Variants in SNX4 observed in about 807,000 individuals in gnomAD.
The protein encoded by SNX4 is sorting nexin 4.
SNX4 carries 49 observed loss-of-function variants against 70.8 expected under a neutral mutation model. The observed-to-expected ratio is 0.69, with a 90% CI of 0.55 to 0.88. The LOEUF (loss-of-function observed/expected upper bound fraction) is 0.88, where lower values mean the gene tolerates loss of function less well. Among genes scored for constraint, SNX4 ranks in the 40% least tolerant of loss-of-function variants. The pLI, the probability that SNX4 is intolerant of heterozygous loss-of-function variation, is 0.00. For missense variants in SNX4, 528 were observed against 544.8 expected (o/e 0.97, Z 0.31); for synonymous variants, 206 against 183.8 (o/e 1.12, Z -0.98).
intron 1 of SNX4, among the ~76,000 whole-genome samples, chr3:125,519,479 C>T (rs1458245421): frequency 6.6e-6 from 1 of 152,150 alleles, no homozygotes; most frequent in African/African-American, 2.4e-5. Flanking sequence ...TTGAAGCTGA[C>T]ATTTTCTTCA....
intron 2 of SNX4, among the ~76,000 whole-genome samples, 188 bp from the exon 3 acceptor site, chr3:125,498,382 C>A (rs1044445913): frequency 6.6e-6 from 1 of 152,116 alleles, no homozygotes; most frequent in African/African-American, 2.4e-5. Context: ...TGCAGTGGTG[C>A]AATCACCACT....
intron 11 of SNX4, 64 bp downstream of exon 11, chr3:125,457,202 A>C (rs1157320047): frequency 8.9e-7 from 1 of 1,121,100 alleles, no homozygotes; most frequent in African/African-American, 1.5e-5. Flanking sequence ...ACTCAGAGTG[A>C]GTGCTTGTGA....
chr3:125,461,569 T>C (rs1018880010), intron 9 of SNX4, among the ~76,000 whole-genome samples: 3 of 152,216 alleles, frequency 2.0e-5, no homozygotes, highest in Admixed American at 6.5e-5. Flanking sequence ...ATGTTCTTGG[T>C]TGCAATTATT....
intron 8 of SNX4, 119 bp downstream of exon 8, chr3:125,476,576 C>A: frequency 1.4e-6 from 1 of 693,382 alleles, no homozygotes; most frequent in East Asian, 2.9e-5. Context: ...TCTCAAAAAA[C>A]AAAAACAAAC....
At chr3:125,468,041 A>G (rs1934076885) in intron 9 of SNX4, among the ~76,000 whole-genome samples, 1 of 152,244 alleles carries the variant, frequency 6.6e-6, no homozygotes, top group African/African-American at 2.4e-5. Flanking sequence ...CATGTATACC[A>G]TGGAATACTA....
chr3:125,477,407 A>G (rs1934311738), intron 7 of SNX4, among the ~76,000 whole-genome samples: 1 of 152,236 alleles, frequency 6.6e-6, no homozygotes, highest in African/African-American at 2.4e-5. Context: ...CTGCCTAGCC[A>G]TTCACAGAAA....
At position 125,500,674 on chromosome 3, in the gene SNX4, C is replaced by T. The variant is rs1043001719; in HGVS notation, c.264-2480G>A. ...AAAATTACCCAGGCGTGGTGTTGCGCGCCTGTAGTCCCAGCTACTCGGGAG... is the reference window on the plus strand; with the variant it reads ...AAAATTACCCAGGCGTGGTGTTGCGTGCCTGTAGTCCCAGCTACTCGGGAG... On this transcript the variant is annotated intron_variant, in intron 2 of 13. Coordinates refer to ENST00000251775, the MANE Select transcript of SNX4 (RefSeq NM_003794.4). Among the ~76,000 whole-genome samples, 8 of 151,514 alleles carry T rather than the reference C, an allele frequency of 5.3e-5. No individual in the cohort carries two copies. The East Asian group carries it at 1.4e-3, about 26-fold the overall frequency.
At chr3:125,515,555 C>T (rs974789335) in intron 1 of SNX4, among the ~76,000 whole-genome samples, 3 of 148,968 alleles carry the variant, frequency 2.0e-5, no homozygotes, top group African/African-American at 5.0e-5. Context: ...GTTCCAGCTA[C>T]TCCAGAGGCT....
At chr3:125,472,270 A>AT (rs1223854664) in intron 8 of SNX4, among the ~76,000 whole-genome samples, 1 of 151,892 alleles carries the variant, frequency 6.6e-6, no homozygotes, top group African/African-American at 2.4e-5. Flanking sequence ...GAACAAATTA[A>AT]TTTTTTTTCC....
chr3:125,460,449 C>T (rs1204909785), intron 10 of SNX4, among the ~76,000 whole-genome samples: 1 of 152,142 alleles, frequency 6.6e-6, no homozygotes, highest in East Asian at 1.9e-4. Context: ...CAATATACAA[C>T]ATAGTAACAG....
chr3:125,474,510 C>T (rs1344019288), intron 8 of SNX4, among the ~76,000 whole-genome samples: 2 of 151,954 alleles, frequency 1.3e-5, no homozygotes, highest in Non-Finnish European at 2.9e-5. Flanking sequence ...GAGATGGGGT[C>T]TTGCTATGTT....
intron 2 of SNX4, among the ~76,000 whole-genome samples, chr3:125,502,220 C>T (rs115053929): frequency 0.048 from 7,333 of 152,188 alleles, 418 homozygotes; most frequent in African/African-American, 0.13. Context: ...GGGCCATGAT[C>T]TTTAAAAAAT....
intron 2 of SNX4, among the ~76,000 whole-genome samples, chr3:125,502,722 C>T (rs1467904217): frequency 2.0e-5 from 3 of 151,348 alleles, no homozygotes; most frequent in East Asian, 2.0e-4. Context: ...TACATGGTGA[C>T]GGGCGCCTGT....
At chr3:125,514,415 C>T (rs1287727463) in intron 1 of SNX4, among the ~76,000 whole-genome samples, 2 of 139,758 alleles carry the variant, frequency 1.4e-5, no homozygotes, top group East Asian at 2.0e-4. Context: ...TTTTTGAGAC[C>T]GAGTCTCGCT....
chr3:125,519,958 AG>A, intron 1 of SNX4, 73 bp downstream of exon 1: 5 of 718,644 alleles, frequency 7.0e-6, no homozygotes, highest in East Asian at 6.8e-5. Context: ...GGCCCAGCCC[AG>A]CCCAGCCCAG....
chr3:125,512,679 G>A (rs1301220340), intron 1 of SNX4, among the ~76,000 whole-genome samples: 2 of 152,106 alleles, frequency 1.3e-5, no homozygotes, highest in Admixed American at 6.6e-5. Context: ...ATTATGCGTA[G>A]AGAAGAGGTA....
intron 12 of SNX4, among the ~76,000 whole-genome samples, chr3:125,452,690 T>C (rs1439264072): frequency 1.3e-5 from 2 of 152,206 alleles, no homozygotes; most frequent in East Asian, 1.9e-4. Context: ...TGATCTCCGC[T>C]CACTGCAAGC....
chr3:125,461,997 A>G (rs951930706), intron 9 of SNX4, among the ~76,000 whole-genome samples: 1 of 151,410 alleles, frequency 6.6e-6, no homozygotes, highest in African/African-American at 2.4e-5. Context: ...TGATTGGGAG[A>G]CTCCCTCAAT....
At chr3:125,510,403 G>A (rs1035026138) in intron 1 of SNX4, among the ~76,000 whole-genome samples, 2 of 151,614 alleles carry the variant, frequency 1.3e-5, no homozygotes, top group Non-Finnish European at 2.9e-5. Flanking sequence ...CTATTTTTTT[G>A]TATTTTTAGT....
Sources: allele counts gnomAD v4.1 joint callset (sites outside exome capture counted in the v4.1 genomes callset), GRCh38; gene constraint gnomAD v4.1.1; transcripts MANE v1.5; gene names NCBI Gene and HGNC (gene_info 2026-07-23, HGNC 2026-07-21).